The following EEFSEC variants were observed in gnomAD, a reference collection of about 807,000 sequenced individuals.
EEFSEC encodes eukaryotic elongation factor, selenocysteine-tRNA specific.
EEFSEC carries 43 observed loss-of-function variants against 42.1 expected under a neutral mutation model. That is an observed-to-expected ratio of 1.02 (90% CI 0.80 to 1.32). The LOEUF is 1.32. Among genes scored for constraint, EEFSEC ranks in the 40% most tolerant of loss-of-function variants. The pLI is 0.00. For missense variants in EEFSEC, 745 were observed against 803.6 expected (o/e 0.93, Z 0.88); for synonymous variants, 354 against 339.1 (o/e 1.04, Z -0.48).
intron 1 of EEFSEC, among the ~76,000 whole-genome samples, chr3:128,155,793 G>A (rs1944370940): frequency 6.6e-6 from 1 of 152,216 alleles, no homozygotes; most frequent in African/African-American, 2.4e-5. Context: ...ACTGTTTCAT[G>A]TTACAGGCAG....
Position 128,317,928 on chromosome 3 carries a change from C to T in EEFSEC, c.787-23305C>T, listed in dbSNP as rs891257422. On this transcript the variant is annotated intron_variant, in intron 4 of 6. Coordinates refer to ENST00000254730, the MANE Select transcript of EEFSEC (RefSeq NM_021937.5). The surrounding 1 kb of genome is among the most constrained non-coding windows in gnomAD (Gnocchi z 4.1). The stretch of plus-strand genomic sequence containing the variant: ...TCTCAGGGCTCCCCCACCCTCCTTG[C>T]CACACTGGGGCAGCCCTTGCCATGT... 2.6e-5 allele frequency among the ~76,000 whole-genome samples: 4 copies of T among 152,246 alleles called. No homozygotes were observed. Among genetic ancestry groups the T allele is most frequent in the African/African-American group, 9.6e-5 (4 of 41,466 alleles).
downstream of EEFSEC, among the ~76,000 whole-genome samples, chr3:128,413,214 G>T (rs979739628): frequency 6.6e-6 from 1 of 152,170 alleles, no homozygotes; most frequent in Non-Finnish European, 1.5e-5. Context: ...GTTTGGGAAG[G>T]CTCGGGGATT....
intron 4 of EEFSEC, among the ~76,000 whole-genome samples, chr3:128,290,811 C>A (rs1434154035): frequency 6.6e-6 from 1 of 152,066 alleles, no homozygotes; most frequent in African/African-American, 2.4e-5. Flanking sequence ...AATGGTGCAA[C>A]CTCGGCTCAC....
intron 1 of EEFSEC, among the ~76,000 whole-genome samples, chr3:128,166,905 A>G (rs2065247048): frequency 6.6e-6 from 1 of 151,446 alleles, no homozygotes; most frequent in Non-Finnish European, 1.5e-5. Context: ...CTTGATTCCA[A>G]CCCCCCGCAG....
In EEFSEC at chr3:128,366,559, G is replaced by A. The variant is rs185574461; in HGVS notation, c.1600+8186G>A. Among the ~76,000 whole-genome samples, 208 of 152,372 alleles carry A rather than the reference G, an allele frequency of 1.4e-3. 2 individuals carry two copies. Among genetic ancestry groups the A allele is most frequent in the African/African-American group, 4.8e-3 (198 of 41,588 alleles). Reference sequence around the variant, plus strand: ...AGGAGGAGGAGGAGCAGGAGCTGGGGTCCTGATTTTCAAGGTCAGAGACAG... The same window carrying A: ...AGGAGGAGGAGGAGCAGGAGCTGGGATCCTGATTTTCAAGGTCAGAGACAG... On this transcript the variant is annotated intron_variant, in intron 6 of 6. Transcript: ENST00000254730.
intron 4 of EEFSEC, among the ~76,000 whole-genome samples, chr3:128,323,618 A>G (rs943704361): frequency 2.0e-5 from 3 of 152,168 alleles, no homozygotes; most frequent in Non-Finnish European, 4.4e-5. Flanking sequence ...CACGGGTGTT[A>G]TTATCCCCTT....
intron 4 of EEFSEC, among the ~76,000 whole-genome samples, chr3:128,279,870 G>A (rs531471876): frequency 6.6e-6 from 1 of 152,302 alleles, no homozygotes; most frequent in East Asian, 1.9e-4. Flanking sequence ...AACATGGCAC[G>A]GGTGTTTACC....
rs527950893 is a variant in EEFSEC at position 128,302,573 on chromosome 3, G to C, written c.786+37792G>C. Among the ~76,000 whole-genome samples, 3 of 151,790 alleles carry C rather than the reference G, an allele frequency of 2.0e-5. No individual in the cohort carries two copies. In the East Asian group the frequency reaches 5.8e-4, roughly 29 times the overall value. On this transcript the variant is annotated intron_variant, in intron 4 of 6. Transcript: ENST00000254730. ...TAAAAACATTTCTAATTTTTATACAGAAGAGGAAAAAATAATCAGATAATC... is the reference window on the plus strand; with the variant it reads ...TAAAAACATTTCTAATTTTTATACACAAGAGGAAAAAATAATCAGATAATC...
At chr3:128,242,637 T>A (rs1310766656) in intron 1 of EEFSEC, among the ~76,000 whole-genome samples, 1 of 152,234 alleles carries the variant, frequency 6.6e-6, no homozygotes. Context: ...AGATAACTTA[T>A]GCTTTGTTAA....
At chr3:128,218,918 G>A (rs76193420) in intron 1 of EEFSEC, among the ~76,000 whole-genome samples, 2,174 of 152,260 alleles carry the variant, frequency 0.014, 49 homozygotes, top group African/African-American at 0.048. Context: ...CTTCAGTTAG[G>A]CATTCCCTCA....
chr3:128,377,213 C>T (rs2067719832), intron 6 of EEFSEC, among the ~76,000 whole-genome samples: 2 of 152,122 alleles, frequency 1.3e-5, no homozygotes, highest in Admixed American at 6.5e-5. Flanking sequence ...ATGGTGTATA[C>T]AATTTTGTGT....
rs1047543693 is a variant in EEFSEC, at chr3:128,240,673, T to C, written c.317-6163T>C. On this transcript the variant is annotated intron_variant, in intron 1 of 6. Transcript: ENST00000254730. ...GAGGAAAACTAATTCTCCTTAAAACTGATTTTCTCCTTGCTCTCTCTGCAG... is the reference window on the plus strand; with the variant it reads ...GAGGAAAACTAATTCTCCTTAAAACCGATTTTCTCCTTGCTCTCTCTGCAG... Among the ~76,000 whole-genome samples, 10 of 152,232 alleles carry C rather than the reference T, an allele frequency of 6.6e-5. 1 individual carries two copies. Among genetic ancestry groups the C allele is most frequent in the African/African-American group, 2.4e-4 (10 of 41,456 alleles).
chr3:128,396,524 G>A (rs947694920), intron 6 of EEFSEC, among the ~76,000 whole-genome samples: 14 of 152,164 alleles, frequency 9.2e-5, no homozygotes, highest in African/African-American at 2.2e-4. Flanking sequence ...AAATGGGATC[G>A]TCTCCGCCCT....
chr3:128,376,990 T>C (rs2067717373), intron 6 of EEFSEC, among the ~76,000 whole-genome samples: 1 of 152,204 alleles, frequency 6.6e-6, no homozygotes, highest in African/African-American at 2.4e-5. Flanking sequence ...GGTCATGGCC[T>C]GGCCCCAGAC....
intron 5 of EEFSEC, among the ~76,000 whole-genome samples, chr3:128,353,215 TATG>T (rs2067409983): frequency 6.6e-6 from 1 of 152,252 alleles, no homozygotes; most frequent in Non-Finnish European, 1.5e-5. Flanking sequence ...TCTAAGAACT[TATG>T]ATGACACCAA....
chr3:128,332,382 A>C (rs1227992748), intron 4 of EEFSEC, among the ~76,000 whole-genome samples: 4 of 152,254 alleles, frequency 2.6e-5, no homozygotes, highest in Admixed American at 2.6e-4. Context: ...TGGATTTTGG[A>C]ATATTAGCAT....
intron 1 of EEFSEC, among the ~76,000 whole-genome samples, chr3:128,216,390 G>A (rs557076616): frequency 6.6e-6 from 1 of 152,280 alleles, no homozygotes; most frequent in South Asian, 2.1e-4. Flanking sequence ...TGTAGAAGCC[G>A]AAACTAGCTC....
At chr3:128,319,662 G>T (rs1259397252) in intron 4 of EEFSEC, among the ~76,000 whole-genome samples, 3 of 152,156 alleles carry the variant, frequency 2.0e-5, no homozygotes, top group African/African-American at 7.2e-5. Context: ...GGGTTTCCAT[G>T]CACTCCTCTC....
chr3:128,358,321 C>T lies in EEFSEC; in HGVS notation c.1548C>T (p.Gly516=). The T allele has an allele frequency of 6.2e-7, 1 of 1,614,246 alleles. No individual in the cohort carries two copies. Among genetic ancestry groups the T allele is most frequent in the Non-Finnish European group, 8.5e-7 (1 of 1,180,042 alleles). Residue 516 remains glycine, a synonymous_variant, in exon 6 of 7, where the codon GGC becomes GGT. Coordinates refer to ENST00000254730, the MANE Select transcript of EEFSEC (RefSeq NM_021937.5). ...TGCACTTGTCCACTGGGGAACTGGGCATCATCGACAGTGCCTTCGGCCAGA... is the reference window on the plus strand; with the variant it reads ...TGCACTTGTCCACTGGGGAACTGGGTATCATCGACAGTGCCTTCGGCCAGA... ...LKVHLSTGEL[G]IIDSAFGQSG...
Sources: allele counts gnomAD v4.1 joint callset (sites outside exome capture counted in the v4.1 genomes callset), GRCh38; gene constraint gnomAD v4.1.1; non-coding constraint Gnocchi (gnomAD v3.1); transcripts MANE v1.5; gene names NCBI Gene and HGNC (gene_info 2026-07-23, HGNC 2026-07-21).